PLCH2: variants seen among roughly 807,000 people sequenced by gnomAD.
PLCH2 encodes the protein 1-phosphatidylinositol 4,5-bisphosphate phosphodiesterase eta-2.
PLCH2 carries 98 observed loss-of-function variants against 134.7 expected under a neutral mutation model. That is an observed-to-expected ratio of 0.73 (90% CI 0.62 to 0.86). The LOEUF is 0.86. Among genes scored for constraint, PLCH2 ranks in the 40% least tolerant of loss-of-function variants. PLCH2 has a pLI of 0.00. For synonymous variants in PLCH2, 974 were observed against 827.5 expected (o/e 1.18, Z -3.04); for missense variants, 1,994 against 1,986.6 (o/e 1.00, Z -0.07).
chr1:2,494,781 A>G, intron 11 of PLCH2, 75 bp from the exon 12 acceptor site: 3 of 974,688 alleles, frequency 3.1e-6, no homozygotes, highest in South Asian at 2.7e-5. Context: ...TTCTGGGACC[A>G]CCAGGGGCTG....
chr1:2,455,874 G>T (rs1358244285), intron 2 of PLCH2, among the ~76,000 whole-genome samples: 1 of 152,242 alleles, frequency 6.6e-6, no homozygotes, highest in Admixed American at 6.5e-5. Flanking sequence ...CGTGCCGTGG[G>T]TGGAGGTGAG....
At chr1:2,483,859 T>G (rs181581602) in intron 4 of PLCH2, among the ~76,000 whole-genome samples, 957 of 12,418 alleles carry the variant, frequency 0.077, 207 homozygotes, top group Middle Eastern at 0.25. Flanking sequence ...CCGTGTGGGG[T>G]GGCGCTGACC....
rs181041122 is a variant in PLCH2 at position 2,483,921 on chromosome 1, G to C, written c.646-527G>C. On this transcript the variant is annotated intron_variant, in intron 4 of 21. Coordinates refer to ENST00000378486, the MANE Select transcript of PLCH2 (RefSeq NM_014638.4). The stretch of plus-strand genomic sequence containing the variant: ...GTGGGGGGGCGCTGACTCCCGTGTG[G>C]GGGGGCGCTGACTCCCGTGTGGGTG... Among the ~76,000 whole-genome samples the C allele has an allele frequency of 7.5e-5, 2 of 26,796 alleles. 1 individual carries two copies. 17.6% of individuals were successfully genotyped at this position (26,796 alleles called of 152,430 possible).
upstream of PLCH2, among the ~76,000 whole-genome samples, chr1:2,424,790 A>G (rs1055521867): frequency 3.3e-5 from 5 of 152,222 alleles, no homozygotes; most frequent in Non-Finnish European, 5.9e-5. Context: ...GATCGAGACC[A>G]TCCTGGCTAA....
chr1:2,461,533 G>A (rs1640801017), intron 2 of PLCH2, among the ~76,000 whole-genome samples: 1 of 152,126 alleles, frequency 6.6e-6, no homozygotes, highest in Non-Finnish European at 1.5e-5. Context: ...CGAAGCTCCG[G>A]TCCCTGTGGC....
chr1:2,467,487 GGGGCTGCGATC>G (rs1557979586), exon 1 of PLCH2: 4 of 395,436 alleles, frequency 1.0e-5, no homozygotes, highest in Non-Finnish European at 1.8e-5. Context: ...GGCAGCGTGT[GGGGCTGCGATC>G]GGCATGGGCT....
intron 1 of PLCH2, among the ~76,000 whole-genome samples, chr1:2,477,430 C>A (rs1211612915): frequency 1.3e-5 from 2 of 152,220 alleles, no homozygotes; most frequent in African/African-American, 4.8e-5. Flanking sequence ...AAGGCCCGGC[C>A]AGTACTGCCC....
intron 1 of PLCH2, among the ~76,000 whole-genome samples, chr1:2,477,159 G>C (rs568531310): frequency 6.6e-6 from 1 of 152,212 alleles, no homozygotes; most frequent in Non-Finnish European, 1.5e-5. Flanking sequence ...TGTGTGTCTT[G>C]TGGTGGCCTG....
chr1:2,461,019 C>A (rs191277898), intron 2 of PLCH2, among the ~76,000 whole-genome samples: 472 of 152,304 alleles, frequency 3.1e-3, no homozygotes, highest in Non-Finnish European at 5.0e-3. Flanking sequence ...GGATCTCACA[C>A]CCCCACATGG....
intron 2 of PLCH2, among the ~76,000 whole-genome samples, chr1:2,453,974 G>A (rs970430231): frequency 2.0e-5 from 3 of 152,068 alleles, no homozygotes; most frequent in African/African-American, 7.3e-5. Flanking sequence ...AGTGTGTGGG[G>A]GCCTCTGAGA....
chr1:2,471,254 G>A (rs758950687), intron 1 of PLCH2, among the ~76,000 whole-genome samples: 4 of 152,166 alleles, frequency 2.6e-5, no homozygotes, highest in Non-Finnish European at 4.4e-5. Flanking sequence ...TGGCTGTCCC[G>A]AAGAGGCCAG....
the PLCH2 span, among the ~76,000 whole-genome samples, chr1:2,416,914 C>G: frequency 2.6e-5 from 4 of 152,100 alleles, no homozygotes; most frequent in African/African-American, 9.7e-5. Flanking sequence ...GGTCTGACAG[C>G]AGAGCCAGCC....
Position 2,504,754 on chromosome 1 carries a change from CTT to C in PLCH2, c.3794_3795del (p.Phe1265CysfsTer3), listed in dbSNP as rs1377392133. The C allele has an allele frequency of 1.2e-6, 2 of 1,612,508 alleles. No individual in the cohort carries two copies. The highest frequency in any genetic ancestry group is 1.7e-6 in the Non-Finnish European group (2 of 1,179,768). ...GCCTGGGCGACCTCACTGCTGATGA[CTT>C]TGCCCCTAGCTTTGAGGGCGGCTCC... The part of the protein sequence containing the change: ...KSLGDLTADD[F>X]APSFEGGSRR... On this transcript the variant is annotated frameshift_variant, in exon 22 of 22. Transcript: ENST00000378486. LOFTEE classifies it high-confidence loss of function.
At chr1:2,492,036 C>G (rs572076121) in intron 11 of PLCH2, among the ~76,000 whole-genome samples, 2 of 150,758 alleles carry the variant, frequency 1.3e-5, no homozygotes, top group Admixed American at 1.3e-4. Flanking sequence ...GGTGGGCGCC[C>G]ATGCTGGGGA....
chr1:2,504,099 A>G lies in PLCH2; in HGVS notation c.3137A>G (p.Glu1046Gly). The change falls in exon 22 of 22, where the codon GAG (glutamate) becomes GGG (glycine). Residue 1046 changes from glutamate to glycine, a missense_variant. By Grantham distance (98) the Glu-to-Gly change is moderately conservative (BLOSUM62 -2). This residue lies in a region of PLCH2 where 900 missense variants were observed against 752.3 expected (regional missense o/e 1.20). Transcript: ENST00000378486. Reference sequence around the variant, plus strand: ...GGAGCCAATGTGGCAAGCCCCCTAGAGGACACTGAGGAGCCCCGAGACAGC... The same window carrying G: ...GGAGCCAATGTGGCAAGCCCCCTAGGGGACACTGAGGAGCCCCGAGACAGC... ...GPGANVASPL[E>G]DTEEPRDSRP... 6.5e-7 allele frequency: 1 copy of G among 1,530,436 alleles called. No homozygotes were observed. Among genetic ancestry groups the G allele is most frequent in the Non-Finnish European group, 8.8e-7 (1 of 1,138,878 alleles). 94.8% of individuals were successfully genotyped at this position (1,530,436 alleles called of 1,614,324 possible).
intron 1 of PLCH2, among the ~76,000 whole-genome samples, chr1:2,470,510 G>T (rs1358743459): frequency 6.6e-6 from 1 of 152,230 alleles, no homozygotes; most frequent in Non-Finnish European, 1.5e-5. Context: ...TCGTGGGGCT[G>T]CTCCCCGGCC....
chr1:2,422,008 C>T (rs895719698), upstream of PLCH2, among the ~76,000 whole-genome samples: 9 of 151,820 alleles, frequency 5.9e-5, no homozygotes, highest in Admixed American at 2.0e-4. Context: ...CAGTGGCTCA[C>T]GCCTGTAATC....
the PLCH2 span, among the ~76,000 whole-genome samples, chr1:2,419,842 C>G: frequency 1.3e-5 from 2 of 152,094 alleles, no homozygotes; most frequent in African/African-American, 4.8e-5. Context: ...AGAAGCTGGA[C>G]TGGGACCCTC....
At chr1:2,459,099 G>A (rs1640642630) in intron 2 of PLCH2, among the ~76,000 whole-genome samples, 1 of 152,282 alleles carries the variant, frequency 6.6e-6, no homozygotes, top group Non-Finnish European at 1.5e-5. Flanking sequence ...CTGGAGGTGG[G>A]GCTCAGGAGG....
Sources: allele counts gnomAD v4.1 joint callset (sites outside exome capture counted in the v4.1 genomes callset), GRCh38; gene constraint gnomAD v4.1.1; regional missense constraint gnomAD v4.1.1; transcripts MANE v1.5; gene names NCBI Gene and HGNC (gene_info 2026-07-23, HGNC 2026-07-21).